The following PCDH15 variants were observed in gnomAD, a reference collection of about 807,000 sequenced individuals.
PCDH15 encodes protocadherin related 15.
Under a neutral mutation model 178.5 loss-of-function variants are expected in PCDH15, and 129 were observed. The ratio of observed to expected loss-of-function variants is 0.72; its 90% CI spans 0.63 to 0.84. PCDH15 has a LOEUF of 0.84. Ranked by LOEUF, PCDH15 falls within the 40% of genes least tolerant of loss-of-function variation. The probability of loss-of-function intolerance (pLI) is 0.00; values close to 1 mark genes in which losing one functional copy is unlikely to be tolerated. For missense variants in PCDH15, 2,230 were observed against 2,099.9 expected (o/e 1.06, Z -1.21); for synonymous variants, 800 against 732.0 (o/e 1.09, Z -1.50).
intron 1 of PCDH15, among the ~76,000 whole-genome samples, chr10:54,671,893 C>G (rs1381503476): frequency 6.6e-6 from 1 of 152,052 alleles, no homozygotes; most frequent in Non-Finnish European, 1.5e-5. Context: ...GGAACCAGGC[C>G]ACAGAGCAGG....
intron 4 of PCDH15, among the ~76,000 whole-genome samples, chr10:54,377,214 A>C (rs1244370744): frequency 2.6e-5 from 4 of 152,130 alleles, no homozygotes; most frequent in Admixed American, 2.6e-4. Context: ...ATTTTCCCTA[A>C]CTGATAAAAT....
intron 21 of PCDH15, among the ~76,000 whole-genome samples, chr10:53,993,342 A>T (rs1266557209): frequency 6.6e-6 from 1 of 152,224 alleles, no homozygotes; most frequent in Non-Finnish European, 1.5e-5. Flanking sequence ...GTTTCCTGGC[A>T]GACTAGTAAG....
chr10:55,446,853 AC>A (rs1476102610), intron 2 of PCDH15, among the ~76,000 whole-genome samples: 1 of 152,082 alleles, frequency 6.6e-6, no homozygotes, highest in African/African-American at 2.4e-5. Flanking sequence ...GTGAAGCAGC[AC>A]CACTCAGCTA....
At chr10:54,490,310 C>T (rs555894378) in intron 3 of PCDH15, among the ~76,000 whole-genome samples, 3 of 151,782 alleles carry the variant, frequency 2.0e-5, no homozygotes, top group Non-Finnish European at 4.4e-5. Context: ...ATTAGATGGG[C>T]GTGGTGGCGG....
At chr10:54,321,270 C>T (rs895659155) in intron 7 of PCDH15, among the ~76,000 whole-genome samples, 3 of 149,826 alleles carry the variant, frequency 2.0e-5, no homozygotes, top group Non-Finnish European at 4.5e-5. Context: ...CTCAAGTAAT[C>T]CTCGCACCTC....
At chr10:55,469,918 T>C (rs922275887) in intron 2 of PCDH15, among the ~76,000 whole-genome samples, 1 of 152,146 alleles carries the variant, frequency 6.6e-6, no homozygotes, top group Non-Finnish European at 1.5e-5. Flanking sequence ...ACTAAAGCAG[T>C]ATGTATTCAT....
intron 15 of PCDH15, among the ~76,000 whole-genome samples, chr10:54,094,114 C>T (rs2094652549): frequency 6.6e-6 from 1 of 152,080 alleles, no homozygotes; most frequent in South Asian, 2.1e-4. Context: ...ACAATGCACT[C>T]AAGTACAAAA....
In PCDH15 at chr10:54,157,699, T is replaced by C. The variant is rs2045303759; in HGVS notation, c.1591-4406A>G. On this transcript the variant is annotated intron_variant, in intron 13 of 37. Coordinates refer to ENST00000644397, the MANE Select transcript of PCDH15 (RefSeq NM_001384140.1). ...CTCCTTAGAAAATGGGATTTTCTTT[T>C]ATATTGTGTTGTCAGGCTGCAAATT... is the stretch of plus-strand genomic sequence containing the variant. 3.3e-5 allele frequency among the ~76,000 whole-genome samples: 5 copies of C among 152,228 alleles called. No homozygotes were observed. In the South Asian group the frequency reaches 1.0e-3, roughly 31 times the overall value.
intron 2 of PCDH15, among the ~76,000 whole-genome samples, chr10:55,347,881 A>G (rs1844804843): frequency 6.6e-6 from 1 of 152,040 alleles, no homozygotes; most frequent in African/African-American, 2.4e-5. Context: ...ATTTCTTTTT[A>G]TTTTTATTTG....
intron 13 of PCDH15, among the ~76,000 whole-genome samples, chr10:54,177,047 T>C (rs2047510455): frequency 6.6e-6 from 1 of 152,000 alleles, no homozygotes; most frequent in Non-Finnish European, 1.5e-5. Flanking sequence ...CATGGAAGAA[T>C]GAATAAATAA....
intron 2 of PCDH15, among the ~76,000 whole-genome samples, chr10:55,438,181 A>C (rs1448092329): frequency 7.2e-6 from 1 of 139,758 alleles, no homozygotes; most frequent in Non-Finnish European, 1.5e-5. Flanking sequence ...AAAACAAAAC[A>C]AAACAAAAAA....
chr10:53,981,985 C>A (rs1173367729), intron 21 of PCDH15, among the ~76,000 whole-genome samples: 2 of 151,804 alleles, frequency 1.3e-5, no homozygotes, highest in African/African-American at 4.8e-5. Context: ...AAAAAACAAA[C>A]AACCCCATCA....
chr10:54,437,514 T>G (rs1204107876), intron 3 of PCDH15, among the ~76,000 whole-genome samples: 1 of 152,168 alleles, frequency 6.6e-6, no homozygotes, highest in African/African-American at 2.4e-5. Context: ...TTTTCAAATT[T>G]TAACCACAGA....
intron 2 of PCDH15, among the ~76,000 whole-genome samples, chr10:55,100,957 T>G (rs957128317): frequency 5.3e-5 from 8 of 152,192 alleles, no homozygotes; most frequent in African/African-American, 1.9e-4. Context: ...CTTCCTCATC[T>G]ATGGTGTATT....
chr10:54,655,111 C>G (rs1438392238), intron 2 of PCDH15: 1 of 151,934 alleles, frequency 6.6e-6, no homozygotes, highest in East Asian at 1.9e-4. Context: ...CTCGGGAGCC[C>G]GAGGCAGGAG....
chr10:55,328,416 C>T (rs1259768006), intron 2 of PCDH15, among the ~76,000 whole-genome samples: 5 of 151,840 alleles, frequency 3.3e-5, no homozygotes, highest in Non-Finnish European at 5.9e-5. Flanking sequence ...ACCTGTGCCA[C>T]ATTTTACTAT....
At chr10:55,099,783 C>CA (rs148291887) in intron 2 of PCDH15, among the ~76,000 whole-genome samples, 6,143 of 151,126 alleles carry the variant, frequency 0.041, 302 homozygotes, top group East Asian at 0.14. Flanking sequence ...ACTTGACTGC[C>CA]AAAAAAAAGA....
intron 1 of PCDH15, among the ~76,000 whole-genome samples, chr10:54,675,141 T>G (rs1057412015): frequency 2.0e-5 from 3 of 152,012 alleles, no homozygotes; most frequent in Non-Finnish European, 4.4e-5. Context: ...ATTTTTAAAT[T>G]TATTACATTA....
intron 29 of PCDH15, among the ~76,000 whole-genome samples, chr10:53,837,391 C>T (rs896785422): frequency 4.6e-5 from 7 of 151,834 alleles, no homozygotes; most frequent in African/African-American, 1.7e-4. Context: ...ATTAAAATAC[C>T]GATAAGCTGG....
Sources: gnomAD v4.1 joint callset for allele counts (sites outside exome capture counted in the v4.1 genomes callset) on GRCh38, gnomAD v4.1.1 for gene constraint, MANE v1.5 for transcripts, NCBI Gene and HGNC (gene_info 2026-07-23, HGNC 2026-07-21) for gene names.